The following NECTIN1 variants were observed in gnomAD, a reference collection of about 807,000 sequenced individuals.
NECTIN1 encodes the protein nectin-1.
Under a neutral mutation model 48.0 loss-of-function variants are expected in NECTIN1, and 23 were observed. The observed-to-expected ratio is 0.48, with a 90% CI of 0.34 to 0.68. The LOEUF is 0.68. Among genes scored for constraint, NECTIN1 ranks in the 30% least tolerant of loss-of-function variants. The pLI, the probability that NECTIN1 is intolerant of heterozygous loss-of-function variation, is 0.01. For missense variants in NECTIN1, 591 were observed against 709.9 expected (o/e 0.83, Z 1.90); for synonymous variants, 270 against 288.9 (o/e 0.93, Z 0.66).
chr11:119,648,804 G>A lies in NECTIN1; in HGVS notation c.1004-8792C>T, dbSNP rs145393170. Among the ~76,000 whole-genome samples, 6 of 152,108 alleles carry A rather than the reference G, an allele frequency of 3.9e-5. No individual in the cohort carries two copies. The East Asian group carries it at 1.2e-3, about 30-fold the overall frequency. ...ACTGCACAGGGACTCCCCACACCCAGGAGGCTTCCATTTTCCCTGAGGGTG... is the reference window on the plus strand; with the variant it reads ...ACTGCACAGGGACTCCCCACACCCAAGAGGCTTCCATTTTCCCTGAGGGTG... On this transcript the variant is annotated intron_variant, in intron 5 of 7. Transcript: ENST00000341398.
chr11:119,678,378 C>T lies in NECTIN1; in HGVS notation c.430+37G>A, dbSNP rs981598352. ...ATGGCCACGCCCCGAGGTCACAGGC[C>T]TCTGGATGAACAGGGAGGGGGCCCA... On this transcript the variant is annotated intron_variant, in intron 2 of 5. Coordinates refer to ENST00000264025, the MANE Select transcript of NECTIN1 (RefSeq NM_002855.5). This position sits in a 1 kb window ranked among gnomAD's most constrained non-coding sequence, Gnocchi z 4.4. The T allele has an allele frequency of 6.3e-7, 1 of 1,590,212 alleles. No individual in the cohort carries two copies. Among genetic ancestry groups the T allele is most frequent in the Non-Finnish European group, 8.6e-7 (1 of 1,158,678 alleles).
chr11:119,697,987 G>C (rs1385669214), intron 1 of NECTIN1, among the ~76,000 whole-genome samples: 1 of 152,268 alleles, frequency 6.6e-6, no homozygotes, highest in Non-Finnish European at 1.5e-5. Context: ...GGACAGGGAA[G>C]GGGAAAAGAA....
intron 1 of NECTIN1, among the ~76,000 whole-genome samples, chr11:119,707,780 A>C (rs1019208055): frequency 6.6e-6 from 1 of 152,208 alleles, no homozygotes; most frequent in Non-Finnish European, 1.5e-5. Flanking sequence ...ATAATTATAC[A>C]TTGTAGGCAG....
chr11:119,719,740 T>C (rs1227236676), intron 1 of NECTIN1, among the ~76,000 whole-genome samples: 3 of 152,182 alleles, frequency 2.0e-5, no homozygotes, highest in Admixed American at 1.3e-4. Flanking sequence ...TCATCAGCAA[T>C]GGAGCTCTCA....
intron 5 of NECTIN1, among the ~76,000 whole-genome samples, chr11:119,645,484 G>A (rs1255922534): frequency 6.6e-6 from 1 of 152,126 alleles, no homozygotes; most frequent in Non-Finnish European, 1.5e-5. Flanking sequence ...CTGGAGCCAG[G>A]GGACCTTGCA....
intron 1 of NECTIN1, among the ~76,000 whole-genome samples, chr11:119,698,125 A>G (rs763046917): frequency 7.2e-5 from 11 of 152,246 alleles, no homozygotes; most frequent in Non-Finnish European, 1.5e-4. Context: ...TGCCCCAGGC[A>G]CTAGTTGGCA....
intron 5 of NECTIN1, among the ~76,000 whole-genome samples, chr11:119,644,403 C>T (rs1324932198): frequency 6.6e-6 from 1 of 151,862 alleles, no homozygotes; most frequent in South Asian, 2.1e-4. Flanking sequence ...TCCCGACCAC[C>T]CCCCTCTCAG....
intron 1 of NECTIN1, among the ~76,000 whole-genome samples, chr11:119,720,387 AC>A (rs1865808096): frequency 1.3e-5 from 2 of 152,262 alleles, no homozygotes; most frequent in Admixed American, 1.3e-4. Context: ...CCACGAGCCC[AC>A]GCAATCCTTC....
chr11:119,653,668 C>T (rs1175789245), intron 5 of NECTIN1, among the ~76,000 whole-genome samples: 1 of 152,228 alleles, frequency 6.6e-6, no homozygotes, highest in Non-Finnish European at 1.5e-5. Flanking sequence ...AGTTCTGTTT[C>T]CCTGCTTAGG....
Position 119,661,316 on chromosome 11 carries a change from CA to C in NECTIN1, c.*3430del, listed in dbSNP as rs1480606930. Reference sequence around the variant, plus strand: ...AGAAGAGCAGCAGCACCGAGTGGGACAGGGGCTCCTCCTGGCCTCACAAGCT... The same window carrying C: ...AGAAGAGCAGCAGCACCGAGTGGGACGGGGCTCCTCCTGGCCTCACAAGCT... On this transcript the variant is annotated 3_prime_UTR_variant, in exon 6 of 6. Transcript: ENST00000264025. The C allele has an allele frequency of 1.0e-6, 1 of 985,968 alleles. No individual in the cohort carries two copies. The highest frequency in any genetic ancestry group is 1.7e-5 in the African/African-American group (1 of 57,238). 61.1% of individuals were successfully genotyped at this position (985,968 alleles called of 1,614,324 possible). A position where few individuals can be genotyped will look rare whatever the true frequency, so the allele number is the denominator to read the frequency against.
intron 1 of NECTIN1, among the ~76,000 whole-genome samples, chr11:119,704,156 C>A (rs564858003): frequency 3.9e-5 from 6 of 152,238 alleles, no homozygotes; most frequent in African/African-American, 1.2e-4. Flanking sequence ...TTCCTGCACA[C>A]GAACCTGCGG....
chr11:119,658,866 C>T (rs769124447), downstream of NECTIN1, among the ~76,000 whole-genome samples: 11 of 152,136 alleles, frequency 7.2e-5, no homozygotes, highest in Admixed American at 4.6e-4. Flanking sequence ...TGCTCTTGAG[C>T]GTGATTGGCG....
intron 5 of NECTIN1, among the ~76,000 whole-genome samples, chr11:119,666,708 C>T (rs1864776844): frequency 6.6e-6 from 1 of 152,254 alleles, no homozygotes. Context: ...ATACTGTTTG[C>T]CTGTATACTG....
Position 119,663,335 on chromosome 11 carries a change from CAT to C in NECTIN1, c.*1410_*1411del, listed in dbSNP as rs1864700209. The C allele has an allele frequency of 1.0e-6, 1 of 985,454 alleles. No homozygotes were observed. The highest frequency in any genetic ancestry group is 1.7e-5 in the African/African-American group (1 of 57,352). The allele number at this position is 985,454 out of a possible 1,614,324, so 61.0% of individuals were successfully genotyped here. On this transcript the variant is annotated 3_prime_UTR_variant, in exon 6 of 6. Transcript: ENST00000264025. ...GGGAGGGGTCTTCCTCCATTATATA[CAT>C]GGGAAGACCCAGTCTGGGGTGGCTG...
Position 119,663,429 on chromosome 11 carries a change from C to T in NECTIN1, c.*1318G>A, listed in dbSNP as rs535485196. ...AAAGGGAGGGCTTCTCCTAGGCCCTCCCCTCATCCCAGAATGAGGACCAGG... is the reference window on the plus strand; with the variant it reads ...AAAGGGAGGGCTTCTCCTAGGCCCTTCCCTCATCCCAGAATGAGGACCAGG... On this transcript the variant is annotated 3_prime_UTR_variant, in exon 6 of 6. Coordinates refer to ENST00000264025, the MANE Select transcript of NECTIN1 (RefSeq NM_002855.5). 14 of 985,370 alleles carry T rather than the reference C, an allele frequency of 1.4e-5. No individual in the cohort carries two copies. The South Asian group carries it at 4.7e-4, about 33-fold the overall frequency. 61.0% of individuals were successfully genotyped at this position (985,370 alleles called of 1,614,324 possible).
chr11:119,654,623 G>A (rs375308455), intron 5 of NECTIN1, among the ~76,000 whole-genome samples: 1 of 151,532 alleles, frequency 6.6e-6, no homozygotes, highest in Non-Finnish European at 1.5e-5. Context: ...CCATGCTGGA[G>A]TGCAGTGGCA....
chr11:119,669,442 A>G (rs558655826), intron 5 of NECTIN1, among the ~76,000 whole-genome samples: 1 of 149,836 alleles, frequency 6.7e-6, no homozygotes, highest in African/African-American at 2.5e-5. Flanking sequence ...CTTGAACCTG[A>G]TCTCTTCTCA....
In NECTIN1 at chr11:119,664,987, C is replaced by T; in HGVS notation, c.1314G>A (p.Glu438=). 1 of 1,613,828 alleles carries T rather than the reference C, an allele frequency of 6.2e-7. No homozygotes were observed. Among genetic ancestry groups the T allele is most frequent in the Non-Finnish European group, 8.5e-7 (1 of 1,179,916 alleles). ...CACCGCCCTCCTCCTCCTCCTCCTC[C>T]TCCTCATAGCTGCTTCCACCCAGTG... ...AGPLGGSSYE[E]EEEEEEGGGG... Residue 438 remains glutamate, a synonymous_variant, in exon 6 of 6, where the codon GAG becomes GAA. Coordinates refer to ENST00000264025, the MANE Select transcript of NECTIN1 (RefSeq NM_002855.5).
At chr11:119,659,595 T>C (rs1864627628), downstream of NECTIN1, among the ~76,000 whole-genome samples, 1 of 152,168 alleles carries the variant, frequency 6.6e-6, no homozygotes, top group Admixed American at 6.5e-5. Flanking sequence ...GAGTATGCCC[T>C]TGGACTCCCA....
Sources: allele counts gnomAD v4.1 joint callset (sites outside exome capture counted in the v4.1 genomes callset), GRCh38; gene constraint gnomAD v4.1.1; non-coding constraint Gnocchi (gnomAD v3.1); transcripts MANE v1.5; gene names NCBI Gene and HGNC (gene_info 2026-07-23, HGNC 2026-07-21).